The following ANO5 variants were observed in gnomAD, a reference collection of about 807,000 sequenced individuals.
ANO5 encodes the protein anoctamin 5.
Under a neutral mutation model 121.0 loss-of-function variants are expected in ANO5, and 109 were observed. The ratio of observed to expected loss-of-function variants is 0.90; its 90% CI spans 0.77 to 1.06. ANO5 has a LOEUF of 1.06. Ranked by LOEUF, ANO5 falls within the 50% of genes least tolerant of loss-of-function variation. ANO5 has a pLI of 0.00. For missense variants in ANO5, 1,064 were observed against 1,078.5 expected, an observed-to-expected ratio of 0.99 and a Z score of 0.19; for synonymous variants, 406 against 359.9, an observed-to-expected ratio of 1.13 and a Z score of -1.45.
intron 9 of ANO5, among the ~76,000 whole-genome samples, chr11:22,247,730 A>C (rs1853671976): frequency 1.3e-5 from 2 of 152,100 alleles, no homozygotes; most frequent in Admixed American, 1.3e-4. Context: ...CCTTTTGAGC[A>C]CAGATAGTTT....
At chr11:22,267,838 G>A (rs1402640100) in intron 17 of ANO5, among the ~76,000 whole-genome samples, 1 of 151,954 alleles carries the variant, frequency 6.6e-6, no homozygotes, top group Non-Finnish European at 1.5e-5. Context: ...TCATCATTTA[G>A]CTCCCACTTA....
intron 12 of ANO5, among the ~76,000 whole-genome samples, chr11:22,253,151 A>G (rs1853882843): frequency 6.6e-6 from 1 of 152,152 alleles, no homozygotes; most frequent in African/African-American, 2.4e-5. Context: ...ACAATCTATA[A>G]GGCCCAAACC....
chr11:22,263,084 C>G (rs763469771), intron 17 of ANO5, 41 bp downstream of exon 17: 1 of 1,493,772 alleles, frequency 6.7e-7, no homozygotes, highest in Admixed American at 1.7e-5. Flanking sequence ...TTTAAGTAAC[C>G]ATGAGATATT....
intron 2 of ANO5, among the ~76,000 whole-genome samples, chr11:22,208,176 G>A (rs776331920): frequency 1.3e-5 from 2 of 151,914 alleles, no homozygotes; most frequent in Non-Finnish European, 2.9e-5. Context: ...TCATACTCTT[G>A]GGCATTTATC....
At chr11:22,220,957 T>C in intron 4 of ANO5, 140 bp from the exon 5 acceptor site, 1 of 658,750 alleles carries the variant, frequency 1.5e-6, no homozygotes, top group Non-Finnish European at 2.6e-6. Flanking sequence ...AATTTCACTT[T>C]ATAAAACAAA....
chr11:22,281,201 T>G lies in ANO5; in HGVS notation c.*1436T>G, dbSNP rs1855062961. On this transcript the variant is annotated 3_prime_UTR_variant, in exon 22 of 22. Transcript: ENST00000324559. Reference sequence around the variant, plus strand: ...TTATAATTCACCTCCAAAAGAATAGTTTTTTAATCACACACATAAGAAATT... The same window carrying G: ...TTATAATTCACCTCCAAAAGAATAGGTTTTTAATCACACACATAAGAAATT... The G allele has an allele frequency of 6.6e-6, 1 of 152,140 alleles. No homozygotes were observed. Among genetic ancestry groups the G allele is most frequent in the African/African-American group, 2.4e-5 (1 of 41,558 alleles). The allele number at this position is 152,140 out of a possible 1,614,324, so 9.4% of individuals were successfully genotyped here.
At chr11:22,207,880 G>A (rs1008833900) in intron 2 of ANO5, among the ~76,000 whole-genome samples, 2 of 151,928 alleles carry the variant, frequency 1.3e-5, no homozygotes, top group Admixed American at 1.3e-4. Context: ...TACATATTGA[G>A]ATCTTTCACT....
At chr11:22,253,559 T>A (rs1271978974) in intron 12 of ANO5, among the ~76,000 whole-genome samples, 1 of 152,108 alleles carries the variant, frequency 6.6e-6, no homozygotes, top group Non-Finnish European at 1.5e-5. Flanking sequence ...ATTAAAATGT[T>A]TAATAGTACC....
chr11:22,242,500 T>C (rs539123947), intron 9 of ANO5, among the ~76,000 whole-genome samples: 12 of 152,236 alleles, frequency 7.9e-5, no homozygotes, highest in Middle Eastern at 3.4e-3. Context: ...GCCATTTTAA[T>C]GATACTGATT....
chr11:22,193,662 C>A (rs1263229680), intron 1 of ANO5, 130 bp downstream of exon 1: 50 of 1,212,192 alleles, frequency 4.1e-5, no homozygotes, highest in African/African-American at 6.0e-5. Context: ...CGCTGCGTGG[C>A]GTGCTCAGCG....
chr11:22,235,221 G>C (rs1853175311), intron 7 of ANO5, among the ~76,000 whole-genome samples: 1 of 151,816 alleles, frequency 6.6e-6, no homozygotes, highest in Non-Finnish European at 1.5e-5. Context: ...TTAATACCTG[G>C]TAGTGTAAAT....
At chr11:22,195,429 T>TA (rs1851778939) in intron 1 of ANO5, among the ~76,000 whole-genome samples, 1 of 151,868 alleles carries the variant, frequency 6.6e-6, no homozygotes, top group African/African-American at 2.4e-5. Context: ...CCTTATTTTT[T>TA]TTTTTTTTTT....
chr11:22,270,935 A>C (rs1288281846), intron 18 of ANO5, among the ~76,000 whole-genome samples: 1 of 152,188 alleles, frequency 6.6e-6, no homozygotes, highest in Non-Finnish European at 1.5e-5. Context: ...AAACATTGCA[A>C]GGTTTGAACA....
In ANO5 at chr11:22,193,169, T is replaced by C. The variant is rs1851699457; in HGVS notation, c.-324T>C. 1.4e-5 allele frequency: 17 copies of C among 1,219,050 alleles called. No homozygotes were observed. The South Asian group carries it at 2.7e-4, about 19-fold the overall frequency. The allele number at this position is 1,219,050 out of a possible 1,614,324, so 75.5% of individuals were successfully genotyped here. A position where few individuals can be genotyped will look rare whatever the true frequency, so the allele number is the denominator to read the frequency against. ...GCACAGGGACAGGTGCCTGGAGAAG[T>C]ACTGGGAGAGCGCCCAGGAGCGCTA... On this transcript the variant is annotated 5_prime_UTR_variant, in exon 1 of 22. Transcript: ENST00000324559.
chr11:22,210,638 C>T (rs1031522021), intron 2 of ANO5, among the ~76,000 whole-genome samples: 1 of 151,810 alleles, frequency 6.6e-6, no homozygotes, highest in Non-Finnish European at 1.5e-5. Flanking sequence ...TGTGGACCAT[C>T]GTGTAACCTA....
At chr11:22,274,534 CTGA>C in intron 19 of ANO5, 32 bp from the exon 20 acceptor site, 1 of 1,538,898 alleles carries the variant, frequency 6.5e-7, no homozygotes, top group Non-Finnish European at 8.7e-7. Context: ...AAATTGGCAG[CTGA>C]TGATCTTCCT....
chr11:22,200,416 T>C (rs970154809), intron 1 of ANO5, among the ~76,000 whole-genome samples: 1 of 152,168 alleles, frequency 6.6e-6, no homozygotes, highest in Non-Finnish European at 1.5e-5. Context: ...GAGGCAACCA[T>C]GGTACTTTGG....
At chr11:22,247,422 A>C (rs889672709) in intron 9 of ANO5, among the ~76,000 whole-genome samples, 2 of 143,238 alleles carry the variant, frequency 1.4e-5, no homozygotes, top group Non-Finnish European at 2.9e-5. Context: ...TATAAGATTG[A>C]ACTCAGGGAA....
intron 2 of ANO5, among the ~76,000 whole-genome samples, chr11:22,204,990 T>A (rs571436414): frequency 1.3e-5 from 2 of 152,124 alleles, no homozygotes. Flanking sequence ...ATGTGATACA[T>A]ATATATCATA....
Sources: gnomAD v4.1 joint callset for allele counts (sites outside exome capture counted in the v4.1 genomes callset) on GRCh38, gnomAD v4.1.1 for gene constraint, MANE v1.5 for transcripts, NCBI Gene and HGNC (gene_info 2026-07-23, HGNC 2026-07-21) for gene names.